Variants in RPS6KC1 observed in about 807,000 individuals in gnomAD.
RPS6KC1 encodes the protein ribosomal protein S6 kinase C1, also known as inactive ribosomal protein S6 kinase delta-1.
RPS6KC1 carries 54 observed loss-of-function variants against 103.8 expected under a neutral mutation model. That is an observed-to-expected ratio of 0.52 (90% confidence interval 0.42 to 0.65). RPS6KC1 has a LOEUF of 0.65. Ranked by LOEUF, RPS6KC1 falls within the 30% of genes least tolerant of loss-of-function variation. RPS6KC1 has a pLI of 0.00. For synonymous variants in RPS6KC1, 439 were observed against 438.7 expected, an observed-to-expected ratio of 1.00 and a Z score of -0.01; for missense variants, 1,151 against 1,253.8, an observed-to-expected ratio of 0.92 and a Z score of 1.24.
chr1:213,471,420 T>C, the RPS6KC1 span, among the ~76,000 whole-genome samples: 1 of 152,258 alleles, frequency 6.6e-6, no homozygotes, highest in East Asian at 1.9e-4. Context: ...ATTAAAGGAA[T>C]ATGGTTAACA....
chr1:213,155,380 C>G (rs528203235), intron 6 of RPS6KC1, among the ~76,000 whole-genome samples: 9 of 152,308 alleles, frequency 5.9e-5, no homozygotes, highest in Admixed American at 2.6e-4. Context: ...CTTGGAGACA[C>G]AGAGTGCTGT....
the RPS6KC1 span, among the ~76,000 whole-genome samples, chr1:213,737,639 A>T: frequency 6.6e-6 from 1 of 152,046 alleles, no homozygotes; most frequent in Non-Finnish European, 1.5e-5. Flanking sequence ...ACTGGTGAAA[A>T]GTACAAGGCA....
chr1:213,481,965 T>A, the RPS6KC1 span, among the ~76,000 whole-genome samples: 1 of 152,072 alleles, frequency 6.6e-6, no homozygotes, highest in African/African-American at 2.4e-5. Flanking sequence ...TATCGTGAGA[T>A]CTGGCTGTTT....
chr1:213,195,687 A>G (rs2148514391), intron 8 of RPS6KC1, among the ~76,000 whole-genome samples: 1 of 152,214 alleles, frequency 6.6e-6, no homozygotes, highest in Non-Finnish European at 1.5e-5. Flanking sequence ...CTTAGCTCCT[A>G]CTTATAAGTG....
At chr1:213,419,527 C>A in the RPS6KC1 span, among the ~76,000 whole-genome samples, 25 of 152,270 alleles carry the variant, frequency 1.6e-4, no homozygotes, top group African/African-American at 6.0e-4. Context: ...ACTGGCACAA[C>A]TAGTTAGTGG....
At chr1:213,500,149 A>G in the RPS6KC1 span, among the ~76,000 whole-genome samples, 1 of 152,266 alleles carries the variant, frequency 6.6e-6, no homozygotes, top group Non-Finnish European at 1.5e-5. Flanking sequence ...AGCTTAAAAC[A>G]CAAACACATT....
the RPS6KC1 span, among the ~76,000 whole-genome samples, chr1:213,799,492 A>G: frequency 0.017 from 2,551 of 152,260 alleles, 66 homozygotes; most frequent in African/African-American, 0.057. Context: ...TTACTAAACT[A>G]TATTTGATGA....
chr1:213,587,744 C>G, the RPS6KC1 span, among the ~76,000 whole-genome samples: 17 of 152,086 alleles, frequency 1.1e-4, no homozygotes, highest in African/African-American at 3.9e-4. Context: ...ATTAAATGAC[C>G]ATTTGCACGG....
chr1:213,582,603 G>A, the RPS6KC1 span, among the ~76,000 whole-genome samples: 3 of 152,034 alleles, frequency 2.0e-5, no homozygotes, highest in South Asian at 2.1e-4. Context: ...GGGGCTTCTC[G>A]ATTTTTAAAG....
At chr1:213,148,516 A>G (rs950054894) in intron 6 of RPS6KC1, among the ~76,000 whole-genome samples, 1 of 152,160 alleles carries the variant, frequency 6.6e-6, no homozygotes, top group Admixed American at 6.5e-5. Context: ...TTTGCATCTC[A>G]AGGGGTAAAT....
chr1:213,797,400 A>G, the RPS6KC1 span, among the ~76,000 whole-genome samples: 1 of 152,308 alleles, frequency 6.6e-6, no homozygotes, highest in African/African-American at 2.4e-5. Flanking sequence ...GGTGGTAACT[A>G]CTTTTATTTA....
intron 8 of RPS6KC1, among the ~76,000 whole-genome samples, chr1:213,197,839 C>T (rs968225779): frequency 2.6e-5 from 4 of 152,088 alleles, no homozygotes; most frequent in Admixed American, 6.6e-5. Context: ...AATTTATGTG[C>T]GTCCGTATGT....
chr1:213,566,437 G>GTTTTTTTTTTTTTTTTTTTTTTTTTTT, the RPS6KC1 span, among the ~76,000 whole-genome samples: 7 of 48,522 alleles, frequency 1.4e-4, no homozygotes, highest in South Asian at 8.1e-4. Context: ...TCAGCCTTTA[G>GTTTTTTTTTTTTTTTTTTTTTTTTTTT]TTTTTTTTTT....
chr1:213,565,553 A>G, the RPS6KC1 span, among the ~76,000 whole-genome samples: 8 of 152,226 alleles, frequency 5.3e-5, no homozygotes, highest in Non-Finnish European at 1.0e-4. Context: ...GCGCAATAAA[A>G]CTAATCTACA....
At chr1:213,054,696 C>T (rs1289061462) in intron 1 of RPS6KC1, among the ~76,000 whole-genome samples, 1 of 152,230 alleles carries the variant, frequency 6.6e-6, no homozygotes, top group East Asian at 1.9e-4. Context: ...CTTAAATCTC[C>T]TTTGTGCTTT....
At chr1:213,765,699 GC>G in the RPS6KC1 span, among the ~76,000 whole-genome samples, 1 of 151,848 alleles carries the variant, frequency 6.6e-6, no homozygotes, top group South Asian at 2.1e-4. Context: ...CTCTACCCTC[GC>G]CAGCCCCTCT....
the RPS6KC1 span, among the ~76,000 whole-genome samples, chr1:213,528,205 G>A: frequency 2.6e-5 from 4 of 152,132 alleles, no homozygotes; most frequent in African/African-American, 9.7e-5. Context: ...GTTCAGCATG[G>A]CTGCAGAAGC....
chr1:213,612,591 G>A, the RPS6KC1 span, among the ~76,000 whole-genome samples: 17 of 152,212 alleles, frequency 1.1e-4, no homozygotes, highest in Admixed American at 7.9e-4. Context: ...AAACTGTCAA[G>A]TGTCTCACAT....
At chr1:213,682,519 A>C in the RPS6KC1 span, among the ~76,000 whole-genome samples, 1 of 152,234 alleles carries the variant, frequency 6.6e-6, no homozygotes, top group Non-Finnish European at 1.5e-5. Context: ...GGAAAGTGAA[A>C]ACTGTCAAAG....
Sources: allele counts gnomAD v4.1 joint callset (sites outside exome capture counted in the v4.1 genomes callset), GRCh38; gene constraint gnomAD v4.1.1; transcripts MANE v1.5; gene names NCBI Gene and HGNC (gene_info 2026-07-23, HGNC 2026-07-21).